The following CATSPERT variants were observed in gnomAD, a reference collection of about 807,000 sequenced individuals.
CATSPERT encodes cation channel sperm-associated targeting subunit tau.
the CATSPERT span, among the ~76,000 whole-genome samples, chr2:201,516,930 CTTTTT>C: frequency 2.2e-5 from 3 of 135,520 alleles, no homozygotes; most frequent in Non-Finnish European, 4.8e-5. Context: ...AATAGGAAGG[CTTTTT>C]TTTTTTTTTT....
At chr2:201,493,099 T>G in the CATSPERT span, 1 of 1,529,292 alleles carries the variant, frequency 6.5e-7, no homozygotes, top group Non-Finnish European at 8.7e-7. Context: ...ATGATTATAT[T>G]TGAAAAAAAC....
chr2:201,572,045 A>G, the CATSPERT span: 26 of 1,557,864 alleles, frequency 1.7e-5, no homozygotes, highest in African/African-American at 3.5e-4. Flanking sequence ...AGTGTATTTT[A>G]GCACTGTTTA....
At chr2:201,594,215 T>G in the CATSPERT span, among the ~76,000 whole-genome samples, 3 of 152,276 alleles carry the variant, frequency 2.0e-5, no homozygotes, top group Non-Finnish European at 4.4e-5. Flanking sequence ...CTGTAAAGTG[T>G]TTTATTTCTT....
the CATSPERT span, among the ~76,000 whole-genome samples, chr2:201,523,423 C>T: frequency 4.2e-3 from 637 of 152,248 alleles, 5 homozygotes; most frequent in Non-Finnish European, 6.6e-3. Flanking sequence ...TGAAGCCAGT[C>T]GACTAAACCC....
At chr2:201,562,983 C>T in the CATSPERT span, among the ~76,000 whole-genome samples, 8 of 151,002 alleles carry the variant, frequency 5.3e-5, no homozygotes, top group East Asian at 1.6e-3. Context: ...CTTTCTATTC[C>T]ACAAAGCCGC....
At chr2:201,528,683 C>G in the CATSPERT span, among the ~76,000 whole-genome samples, 1 of 152,126 alleles carries the variant, frequency 6.6e-6, no homozygotes, top group African/African-American at 2.4e-5. Flanking sequence ...ACTACATGTT[C>G]TCACTTATAA....
At chr2:201,516,616 C>A in the CATSPERT span, among the ~76,000 whole-genome samples, 3 of 152,156 alleles carry the variant, frequency 2.0e-5, no homozygotes, top group African/African-American at 7.2e-5. Flanking sequence ...GGTCTGTTGA[C>A]CAAAATGTCA....
chr2:201,605,618 C>T, the CATSPERT span, among the ~76,000 whole-genome samples: 1 of 151,978 alleles, frequency 6.6e-6, no homozygotes, highest in Non-Finnish European at 1.5e-5. Flanking sequence ...TGACCATGGC[C>T]AAGAAATACG....
At chr2:201,504,421 T>C in the CATSPERT span, among the ~76,000 whole-genome samples, 3 of 152,220 alleles carry the variant, frequency 2.0e-5, no homozygotes, top group African/African-American at 7.2e-5. Context: ...TTCAATTCTA[T>C]ACCATGCCCA....
the CATSPERT span, among the ~76,000 whole-genome samples, chr2:201,568,490 C>T: frequency 7.9e-5 from 12 of 152,110 alleles, no homozygotes; most frequent in African/African-American, 1.4e-4. Flanking sequence ...AGATCTGTAG[C>T]TGCACATCAG....
the CATSPERT span, among the ~76,000 whole-genome samples, chr2:201,520,808 G>A: frequency 1.3e-5 from 2 of 151,790 alleles, no homozygotes; most frequent in Non-Finnish European, 2.9e-5. Context: ...AGAATCGCTT[G>A]AGTCTGGGAG....
At chr2:201,526,166 A>C in the CATSPERT span, among the ~76,000 whole-genome samples, 1 of 152,174 alleles carries the variant, frequency 6.6e-6, no homozygotes, top group East Asian at 1.9e-4. Context: ...CAACAACAAC[A>C]ACAACAATTT....
the CATSPERT span, among the ~76,000 whole-genome samples, chr2:201,502,551 G>A: frequency 2.2e-5 from 3 of 139,086 alleles, no homozygotes; most frequent in Non-Finnish European, 3.0e-5. Flanking sequence ...CAGCCTAGGC[G>A]ACAGAGTAAG....
the CATSPERT span, chr2:201,545,585 T>G: frequency 6.9e-7 from 1 of 1,439,524 alleles, no homozygotes; most frequent in Non-Finnish European, 9.2e-7. Flanking sequence ...GGATGATTAC[T>G]TTTCGTGTTT....
At chr2:201,502,134 G>A in the CATSPERT span, among the ~76,000 whole-genome samples, 3 of 152,200 alleles carry the variant, frequency 2.0e-5, no homozygotes, top group East Asian at 5.8e-4. Flanking sequence ...CAACAGTGCT[G>A]CTGTACTTAG....
At chr2:201,545,636 AAAAAAAAAAAAAAAAAAG>A in the CATSPERT span, 1 of 757,468 alleles carries the variant, frequency 1.3e-6, no homozygotes, top group Non-Finnish European at 1.9e-6. Flanking sequence ...AAGCAAAAAA[AAAAAAAAAAAAAAAAAAG>A]AAAAAAAAAT....
chr2:201,595,213 C>T, the CATSPERT span, among the ~76,000 whole-genome samples: 4 of 137,488 alleles, frequency 2.9e-5, no homozygotes, highest in Non-Finnish European at 3.1e-5. Flanking sequence ...TTTTTTGAGA[C>T]GGAGTCTCAC....
At chr2:201,613,947 G>A in the CATSPERT span, among the ~76,000 whole-genome samples, 2,588 of 152,296 alleles carry the variant, frequency 0.017, 67 homozygotes, top group African/African-American at 0.054. Context: ...TCAAGTGGAA[G>A]AAAGGGTATC....
the CATSPERT span, among the ~76,000 whole-genome samples, chr2:201,589,910 G>GA: frequency 1.3e-5 from 2 of 151,734 alleles, no homozygotes; most frequent in East Asian, 1.9e-4. Flanking sequence ...AAATTTACAA[G>GA]AAAAAAACAA....
Sources: allele counts gnomAD v4.1 joint callset (sites outside exome capture counted in the v4.1 genomes callset), GRCh38; gene constraint gnomAD v4.1.1; transcripts MANE v1.5; gene names NCBI Gene and HGNC (gene_info 2026-07-23, HGNC 2026-07-21).